Variants in LINC00632 observed in about 807,000 individuals in gnomAD.
LINC00632 encodes long independently transcribed non-coding RNA 632.
chrX:140,790,521 T>G (rs931706428), exon 5 of LINC00632, among the ~76,000 whole-genome samples: 1 of 111,145 alleles, frequency 9.0e-6, no homozygotes. Flanking sequence ...TTTTCAGAAT[T>G]TTTCGCTATT....
At chrX:140,761,011 T>C (rs1195481940) in intron 3 of LINC00632, among the ~76,000 whole-genome samples, 2 of 112,460 alleles carry the variant, frequency 1.8e-5, no homozygotes, top group Non-Finnish European at 3.8e-5. Context: ...ATGTTTAATA[T>C]GAAAGTGTGA....
chrX:140,728,011 C>T (rs1289891362), intron 2 of LINC00632, among the ~76,000 whole-genome samples: 3 of 111,317 alleles, frequency 2.7e-5, no homozygotes, highest in African/African-American at 9.8e-5. Context: ...GAGGCCGAGA[C>T]GGGCGGATCA....
At chrX:140,716,868 C>T (rs1930641452) in intron 2 of LINC00632, among the ~76,000 whole-genome samples, 1 of 110,016 alleles carries the variant, frequency 9.1e-6, no homozygotes, top group South Asian at 4.0e-4. Context: ...ACAAACACAC[C>T]CTATCACACA....
At chrX:140,717,295 A>G (rs763157457) in intron 2 of LINC00632, among the ~76,000 whole-genome samples, 1 of 110,072 alleles carries the variant, frequency 9.1e-6, no homozygotes, top group Non-Finnish European at 1.9e-5. Context: ...CGCATTTTAC[A>G]CTTACCTCAT....
At chrX:140,727,510 C>A in intron 2 of LINC00632, among the ~76,000 whole-genome samples, 1 of 111,242 alleles carries the variant, frequency 9.0e-6, no homozygotes, top group African/African-American at 3.3e-5. Context: ...CCAGGCTGGT[C>A]TGGAACTCCT....
chrX:140,786,310 C>T (rs1021445937), exon 5 of LINC00632, among the ~76,000 whole-genome samples: 1 of 111,570 alleles, frequency 9.0e-6, no homozygotes, highest in South Asian at 3.8e-4. Flanking sequence ...AGCTTAAAAT[C>T]GTCTGTGGGA....
intron 3 of LINC00632, among the ~76,000 whole-genome samples, chrX:140,765,265 T>C (rs1201203461): frequency 9.0e-6 from 1 of 110,844 alleles, no homozygotes; most frequent in East Asian, 2.9e-4. Context: ...GGGCAGGGAC[T>C]GAGCCTCAAG....
chrX:140,763,936 A>T (rs1931640887), intron 3 of LINC00632, among the ~76,000 whole-genome samples: 1 of 111,289 alleles, frequency 9.0e-6, no homozygotes, highest in Non-Finnish European at 1.9e-5. Flanking sequence ...AGGAACAGCA[A>T]ATAAAATCCT....
chrX:140,732,590 T>A (rs187321876), intron 2 of LINC00632, among the ~76,000 whole-genome samples: 1 of 111,635 alleles, frequency 9.0e-6, no homozygotes, highest in African/African-American at 3.3e-5. Context: ...TGAATATATG[T>A]ATATACACGT....
chrX:140,710,246 G>C (rs1045102686), intron 1 of LINC00632, among the ~76,000 whole-genome samples: 74 of 112,096 alleles, frequency 6.6e-4, no homozygotes, highest in African/African-American at 2.3e-3. Context: ...TGCAGAAAAG[G>C]ATACGATGCC....
chrX:140,716,906 C>T (rs1053122179), intron 2 of LINC00632, among the ~76,000 whole-genome samples: 34 of 110,845 alleles, frequency 3.1e-4, no homozygotes, highest in Non-Finnish European at 5.7e-5. Flanking sequence ...ATGTGGATAC[C>T]CCTGCTCTTC....
chrX:140,745,270 T>C (rs189623548), intron 3 of LINC00632, among the ~76,000 whole-genome samples: 1 of 110,206 alleles, frequency 9.1e-6, no homozygotes, highest in East Asian at 2.9e-4. Context: ...TTCCTCACAT[T>C]GAACTGAAAT....
chrX:140,725,268 A>T (rs1346550910), intron 2 of LINC00632, among the ~76,000 whole-genome samples: 1 of 29,146 alleles, frequency 3.4e-5, no homozygotes, highest in African/African-American at 1.1e-4. Flanking sequence ...ACACACACAC[A>T]GTCACACATT....
exon 5 of LINC00632, chrX:140,783,507 T>G: frequency 1.9e-6 from 2 of 1,028,705 alleles, no homozygotes; most frequent in Non-Finnish European, 2.6e-6. Flanking sequence ...AGCTAATCCA[T>G]GTCTTCCAGA....
chrX:140,769,002 G>A (rs1444652604), intron 3 of LINC00632, among the ~76,000 whole-genome samples: 1 of 109,015 alleles, frequency 9.2e-6, no homozygotes, highest in Non-Finnish European at 1.9e-5. Flanking sequence ...CAACTAGAAG[G>A]AATGGTGTGA....
chrX:140,722,375 A>C (rs917413895), intron 2 of LINC00632, among the ~76,000 whole-genome samples: 5 of 109,609 alleles, frequency 4.6e-5, no homozygotes, highest in Non-Finnish European at 9.5e-5. Flanking sequence ...AAAAAAAAAA[A>C]AAAACAACCT....
intron 3 of LINC00632, among the ~76,000 whole-genome samples, chrX:140,745,092 G>A (rs1162127334): frequency 2.7e-5 from 3 of 110,629 alleles, no homozygotes; most frequent in Admixed American, 2.0e-4. Flanking sequence ...ATAGTCTTAA[G>A]AGTTGCAAAC....
intron 3 of LINC00632, among the ~76,000 whole-genome samples, chrX:140,759,504 G>A (rs112430005): frequency 0.02 from 2,164 of 109,031 alleles, 49 homozygotes; most frequent in African/African-American, 0.069. Flanking sequence ...CTACAGGCAC[G>A]CAGCACCATG....
exon 5 of LINC00632, among the ~76,000 whole-genome samples, chrX:140,786,691 A>G (rs996372031): frequency 1.8e-5 from 2 of 111,666 alleles, no homozygotes; most frequent in Non-Finnish European, 3.8e-5. Flanking sequence ...GAATCTGTCC[A>G]AGGAAATTAT....
Sources: allele counts gnomAD v4.1 joint callset (sites outside exome capture counted in the v4.1 genomes callset), GRCh38; gene constraint gnomAD v4.1.1; transcripts MANE v1.5; gene names NCBI Gene and HGNC (gene_info 2026-07-23, HGNC 2026-07-21).